Variants in NELL1 observed in about 807,000 individuals in gnomAD.
The protein encoded by NELL1 is protein kinase C-binding protein NELL1.
A neutral mutation model predicts 107.4 loss-of-function variants in NELL1; 76 were observed. The observed-to-expected ratio is 0.71, with a 90% CI of 0.59 to 0.86. NELL1 has a LOEUF of 0.86. Ranked by LOEUF, NELL1 falls within the 40% of genes least tolerant of loss-of-function variation. The pLI, the probability that NELL1 is intolerant of heterozygous loss-of-function variation, is 0.00. For missense variants in NELL1, 1,024 were observed against 1,005.5 expected, an observed-to-expected ratio of 1.02 and a Z score of -0.25; for synonymous variants, 353 against 341.2, an observed-to-expected ratio of 1.03 and a Z score of -0.38.
intron 4 of NELL1, among the ~76,000 whole-genome samples, chr11:20,867,290 C>G (rs1849113139): frequency 6.6e-6 from 1 of 152,000 alleles, no homozygotes; most frequent in Non-Finnish European, 1.5e-5. Context: ...CCACAGTTTT[C>G]TCATTAAAAA....
intron 15 of NELL1, among the ~76,000 whole-genome samples, chr11:21,419,788 G>A (rs901631980): frequency 6.6e-6 from 1 of 152,136 alleles, no homozygotes; most frequent in African/African-American, 2.4e-5. Context: ...AAATATGATA[G>A]AGAAATTAAT....
intron 3 of NELL1, among the ~76,000 whole-genome samples, chr11:20,833,369 AC>A (rs1858054351): frequency 6.6e-6 from 1 of 152,200 alleles, no homozygotes; most frequent in Admixed American, 6.5e-5. Context: ...TATAAGAGTG[AC>A]TGTGAACTGC....
chr11:21,323,393 G>T (rs1224843702), intron 14 of NELL1, among the ~76,000 whole-genome samples: 1 of 152,030 alleles, frequency 6.6e-6, no homozygotes, highest in Admixed American at 6.6e-5. Context: ...AGAAGAAAGT[G>T]GTCATTTAGC....
chr11:21,298,705 G>A (rs1849427154), intron 14 of NELL1, among the ~76,000 whole-genome samples: 1 of 151,950 alleles, frequency 6.6e-6, no homozygotes, highest in Non-Finnish European at 1.5e-5. Flanking sequence ...GTAGTAGCAG[G>A]ATGTATACCA....
chr11:21,086,600 A>AT (rs1854397443), intron 12 of NELL1, among the ~76,000 whole-genome samples: 1 of 152,164 alleles, frequency 6.6e-6, no homozygotes, highest in Non-Finnish European at 1.5e-5. Context: ...ACCCAGTTAC[A>AT]CGTGGGAACT....
chr11:20,796,509 T>G (rs967365375), intron 3 of NELL1, among the ~76,000 whole-genome samples: 13 of 151,344 alleles, frequency 8.6e-5, no homozygotes, highest in Non-Finnish European at 1.9e-4. Context: ...TAAATTACTT[T>G]CATTTGGGAA....
chr11:21,302,436 T>G (rs1197262408), intron 14 of NELL1, among the ~76,000 whole-genome samples: 1 of 152,026 alleles, frequency 6.6e-6, no homozygotes, highest in African/African-American at 2.4e-5. Flanking sequence ...GTTATCAAGC[T>G]CAGCATGAAT....
chr11:20,820,858 C>T (rs1462058288), intron 3 of NELL1, among the ~76,000 whole-genome samples: 1 of 151,974 alleles, frequency 6.6e-6, no homozygotes, highest in East Asian at 1.9e-4. Flanking sequence ...CATGCTATAT[C>T]CCCATTACCC....
At chr11:20,746,745 C>T (rs906206706) in intron 2 of NELL1, among the ~76,000 whole-genome samples, 2 of 152,114 alleles carry the variant, frequency 1.3e-5, no homozygotes, top group African/African-American at 4.8e-5. Flanking sequence ...GTACACTCAC[C>T]AGTTTTTACA....
chr11:20,703,420 T>C (rs1204615582), intron 2 of NELL1, among the ~76,000 whole-genome samples: 1 of 152,196 alleles, frequency 6.6e-6, no homozygotes, highest in Non-Finnish European at 1.5e-5. Context: ...GCTAGCAGTC[T>C]ATGAATTTTG....
At chr11:21,116,127 T>A (rs1044874415) in intron 13 of NELL1, among the ~76,000 whole-genome samples, 5 of 152,050 alleles carry the variant, frequency 3.3e-5, no homozygotes, top group Non-Finnish European at 5.9e-5. Flanking sequence ...CAAGGCCATT[T>A]ATGAACTCTG....
intron 16 of NELL1, among the ~76,000 whole-genome samples, chr11:21,556,885 C>A (rs1421791946): frequency 5.9e-5 from 9 of 151,904 alleles, no homozygotes; most frequent in African/African-American, 2.2e-4. Flanking sequence ...GATTTGAGTA[C>A]GAAATACTCA....
chr11:21,447,666 G>T (rs1162416471), intron 15 of NELL1, among the ~76,000 whole-genome samples: 1 of 152,090 alleles, frequency 6.6e-6, no homozygotes, highest in African/African-American at 2.4e-5. Flanking sequence ...GAGTTACATT[G>T]CCTGTGGTTG....
At chr11:20,920,016 G>A (rs773145433) in intron 7 of NELL1, among the ~76,000 whole-genome samples, 2 of 152,054 alleles carry the variant, frequency 1.3e-5, no homozygotes, top group African/African-American at 4.8e-5. Context: ...ACTGAGTGGC[G>A]GAGCCAAATG....
At chr11:21,063,149 C>T (rs1185354620) in intron 12 of NELL1, among the ~76,000 whole-genome samples, 2 of 151,990 alleles carry the variant, frequency 1.3e-5, no homozygotes, top group Non-Finnish European at 2.9e-5. Context: ...GGCCCAGCTG[C>T]TTATAGTTTT....
chr11:21,460,328 G>A (rs763885009), intron 15 of NELL1, among the ~76,000 whole-genome samples: 5 of 152,034 alleles, frequency 3.3e-5, no homozygotes, highest in African/African-American at 1.2e-4. Context: ...GGTGCCCTGG[G>A]ACAGAGCTAA....
At chr11:20,813,190 C>T (rs1256702940) in intron 3 of NELL1, among the ~76,000 whole-genome samples, 1 of 152,120 alleles carries the variant, frequency 6.6e-6, no homozygotes, top group African/African-American at 2.4e-5. Flanking sequence ...TTCTTATGAC[C>T]ATGGGTGACC....
chr11:20,840,344 A>T (rs903480861), intron 3 of NELL1, among the ~76,000 whole-genome samples: 25 of 152,052 alleles, frequency 1.6e-4, no homozygotes, highest in Non-Finnish European at 3.5e-4. Flanking sequence ...ATTGATGTAT[A>T]AAAAAAACTA....
chr11:21,391,021 G>C (rs572723202), intron 15 of NELL1, among the ~76,000 whole-genome samples: 1 of 151,620 alleles, frequency 6.6e-6, no homozygotes, highest in Non-Finnish European at 1.5e-5. Context: ...TTATAGAACA[G>C]ATTTTCAATT....
Sources: gnomAD v4.1 joint callset for allele counts (sites outside exome capture counted in the v4.1 genomes callset) on GRCh38, gnomAD v4.1.1 for gene constraint, MANE v1.5 for transcripts, NCBI Gene and HGNC (gene_info 2026-07-23, HGNC 2026-07-21) for gene names.